MRTFB: variants seen among roughly 807,000 people sequenced by gnomAD.
MRTFB encodes the protein myocardin related transcription factor B, also known as myocardin-related transcription factor B.
In MRTFB, 29 loss-of-function variants were observed where a neutral mutation model predicts 104.2. That is an observed-to-expected ratio of 0.28 (90% CI 0.21 to 0.38). The LOEUF is 0.38. Ranked by LOEUF, MRTFB falls within the 10% of genes least tolerant of loss-of-function variation. The probability of loss-of-function intolerance (pLI) is 1.00; values close to 1 mark genes in which losing one functional copy is unlikely to be tolerated. For synonymous variants in MRTFB, 535 were observed against 519.5 expected, an observed-to-expected ratio of 1.03 and a Z score of -0.41; for missense variants, 1,270 against 1,341.6, an observed-to-expected ratio of 0.95 and a Z score of 0.83.
intron 3 of MRTFB, among the ~76,000 whole-genome samples, chr16:14,201,228 A>G (rs1251197287): frequency 6.6e-6 from 1 of 152,224 alleles, no homozygotes; most frequent in Non-Finnish European, 1.5e-5. Flanking sequence ...TGCACATTCC[A>G]TAGGTATGCA....
At chr16:14,110,044 A>T (rs920551611) in intron 2 of MRTFB, among the ~76,000 whole-genome samples, 4 of 152,192 alleles carry the variant, frequency 2.6e-5, no homozygotes, top group Non-Finnish European at 5.9e-5. Flanking sequence ...CATTTTAATG[A>T]TCCTTAGAGT....
the MRTFB span, chr16:14,015,871 C>G: frequency 2.5e-6 from 1 of 398,626 alleles, no homozygotes; most frequent in Non-Finnish European, 4.4e-6. Context: ...CCTGTGCTTA[C>G]AGGTAAACAC....
At chr16:14,252,548 C>T in intron 15 of MRTFB, 46 bp downstream of exon 15, 1 of 1,609,072 alleles carries the variant, frequency 6.2e-7, no homozygotes, top group Non-Finnish European at 8.5e-7. Context: ...GGTGGATGTG[C>T]CCACGTTCAG....
the MRTFB span, among the ~76,000 whole-genome samples, chr16:14,029,164 G>A: frequency 6.6e-6 from 1 of 151,568 alleles, no homozygotes; most frequent in Non-Finnish European, 1.5e-5. Flanking sequence ...AGCCAGGTGT[G>A]GTGGCGCACA....
the MRTFB span, among the ~76,000 whole-genome samples, chr16:14,014,288 G>A: frequency 1.3e-5 from 2 of 152,182 alleles, no homozygotes; most frequent in African/African-American, 2.4e-5. Flanking sequence ...GCTCATGCCT[G>A]TAATCCCAGC....
intron 3 of MRTFB, among the ~76,000 whole-genome samples, chr16:14,182,708 T>A (rs1461186975): frequency 1.3e-5 from 2 of 152,104 alleles, no homozygotes; most frequent in East Asian, 3.9e-4. Context: ...AAGTACAACA[T>A]GAGTCTGGGA....
chr16:14,089,975 A>G (rs1729372640), intron 2 of MRTFB, among the ~76,000 whole-genome samples: 1 of 152,116 alleles, frequency 6.6e-6, no homozygotes, highest in African/African-American at 2.4e-5. Flanking sequence ...TTTAAAATGG[A>G]CTGTCTTTTT....
At position 14,252,017 on chromosome 16, in the gene MRTFB, C is replaced by A; in HGVS notation, c.2559C>A (p.Pro853=). 1 of 1,614,006 alleles carries A rather than the reference C, an allele frequency of 6.2e-7. No homozygotes were observed. ...LPSLQNGPNT[P]NKPSSPPPPQ... is the part of the protein sequence containing the mutation. ...CCCTGCAAAATGGACCTAACACACC[C>A]AACAAGGTAACCCTGTGAGGCTTGT... The change falls in exon 14 of 17, where the codon CCC becomes CCA. Residue 853 remains proline (P), a synonymous_variant. Coordinates refer to ENST00000571589, the MANE Select transcript of MRTFB (RefSeq NM_001308142.2).
the MRTFB span, among the ~76,000 whole-genome samples, chr16:14,053,546 C>T: frequency 6.6e-6 from 1 of 152,022 alleles, no homozygotes; most frequent in Non-Finnish European, 1.5e-5. Context: ...GTCTGGCCAA[C>T]ATGGTGAAAC....
Position 14,265,957 on chromosome 16 carries a change from C to T in MRTFB, c.*4513C>T, listed in dbSNP as rs1488282315. The stretch of plus-strand genomic sequence containing the variant: ...ATACTGAAACTCGTAACAATTACCT[C>T]TCTACGTGATGCTGTAAGGAATCTT... On this transcript the variant is annotated 3_prime_UTR_variant, in exon 17 of 17. Coordinates refer to ENST00000571589, the MANE Select transcript of MRTFB (RefSeq NM_001308142.2). 6.6e-6 allele frequency: 1 copy of T among 152,230 alleles called. No individual in the cohort carries two copies. The highest frequency in any genetic ancestry group is 1.5e-5 in the Non-Finnish European group (1 of 68,036). The allele number at this position is 152,230 out of a possible 1,614,324, so 9.4% of individuals were successfully genotyped here. A position where few individuals can be genotyped will look rare whatever the true frequency, so the allele number is the denominator to read the frequency against.
At chr16:14,252,640 T>A in intron 15 of MRTFB, 138 bp downstream of exon 15, 12 of 1,079,798 alleles carry the variant, frequency 1.1e-5, no homozygotes, top group African/African-American at 1.6e-5. Flanking sequence ...GTATTTTACA[T>A]GGTTATTTAA....
chr16:14,148,495 A>T (rs908664774), intron 3 of MRTFB, among the ~76,000 whole-genome samples: 1 of 152,216 alleles, frequency 6.6e-6, no homozygotes, highest in African/African-American at 2.4e-5. Context: ...TACTCTTGTG[A>T]CAGAAAACAG....
chr16:14,053,729 CAAAAA>C, the MRTFB span, among the ~76,000 whole-genome samples: 1 of 97,518 alleles, frequency 1.0e-5, no homozygotes, highest in Admixed American at 1.1e-4. Flanking sequence ...GACTCCATCT[CAAAAA>C]AAAAAAAAAA....
the MRTFB span, chr16:14,009,841 T>C: frequency 6.6e-6 from 1 of 152,300 alleles, no homozygotes; most frequent in East Asian, 1.9e-4. Context: ...TTAAATCACA[T>C]ATCACCCCTC....
chr16:14,039,039 TG>T, the MRTFB span, among the ~76,000 whole-genome samples: 7 of 152,174 alleles, frequency 4.6e-5, no homozygotes, highest in Admixed American at 3.9e-4. Flanking sequence ...TATCTCCCAC[TG>T]GGTCCCTCCC....
chr16:14,055,177 C>A, the MRTFB span, among the ~76,000 whole-genome samples: 1 of 152,146 alleles, frequency 6.6e-6, no homozygotes, highest in Non-Finnish European at 1.5e-5. Context: ...CATGGAGAAA[C>A]CCCGTCTCTA....
At chr16:14,230,524 A>G (rs1398090547) in intron 8 of MRTFB, among the ~76,000 whole-genome samples, 2 of 152,178 alleles carry the variant, frequency 1.3e-5, no homozygotes, top group Non-Finnish European at 2.9e-5. Flanking sequence ...CAAAAAACAC[A>G]TGAAAAAATG....
chr16:14,081,787 G>T (rs2034425459), intron 2 of MRTFB, among the ~76,000 whole-genome samples: 1 of 151,672 alleles, frequency 6.6e-6, no homozygotes, highest in Non-Finnish European at 1.5e-5. Context: ...TCGCCATGTT[G>T]CCCAGGCTGG....
chr16:14,200,384 A>G, intron 3 of MRTFB: 4 of 1,607,838 alleles, frequency 2.5e-6, no homozygotes, highest in South Asian at 1.1e-5. Flanking sequence ...TAATGATGAC[A>G]CTAAAGATGT....
Sources: allele counts gnomAD v4.1 joint callset (sites outside exome capture counted in the v4.1 genomes callset), GRCh38; gene constraint gnomAD v4.1.1; transcripts MANE v1.5; gene names NCBI Gene and HGNC (gene_info 2026-07-23, HGNC 2026-07-21).